Variants in PTPN9 observed in about 807,000 individuals in gnomAD.
The protein encoded by PTPN9 is protein tyrosine phosphatase non-receptor type 9.
A neutral mutation model predicts 69.8 loss-of-function variants in PTPN9; 26 were observed. That is an observed-to-expected ratio of 0.37 (90% CI 0.27 to 0.52). The LOEUF is 0.52. PTPN9 is among the 20% of genes least tolerant of loss of function. The probability of loss-of-function intolerance (pLI) is 0.91; values close to 1 mark genes in which losing one functional copy is unlikely to be tolerated. For synonymous variants in PTPN9, 274 were observed against 272.5 expected (o/e 1.01, Z -0.05); for missense variants, 549 against 740.3 (o/e 0.74, Z 3.00).
chr15:75,489,517 A>AGGTC (rs1442038820), intron 8 of PTPN9, among the ~76,000 whole-genome samples: 1 of 152,136 alleles, frequency 6.6e-6, no homozygotes, highest in Non-Finnish European at 1.5e-5. Flanking sequence ...TGAGCCCAGG[A>AGGTC]GGTCAAGGTT....
At chr15:75,503,906 G>A (rs1595955113) in intron 7 of PTPN9, among the ~76,000 whole-genome samples, 15 of 117,194 alleles carry the variant, frequency 1.3e-4, no homozygotes, top group South Asian at 5.4e-4. Flanking sequence ...GAGGGAGGTG[G>A]GGTCAGCCCC....
intron 1 of PTPN9, among the ~76,000 whole-genome samples, chr15:75,549,662 C>A (rs1388706248): frequency 1.3e-5 from 2 of 152,008 alleles, no homozygotes; most frequent in African/African-American, 4.8e-5. Flanking sequence ...AGTAACAGCC[C>A]ATAATGAGGC....
At chr15:75,530,535 TATTATTATATTATAATATATTATA>T (rs2074952374) in intron 1 of PTPN9, among the ~76,000 whole-genome samples, 2 of 40,678 alleles carry the variant, frequency 4.9e-5, no homozygotes, top group African/African-American at 3.9e-4. Flanking sequence ...TATTATATAA[TATTATTATATTATAATATATTATA>T]TATTATTATA....
At chr15:75,559,776 A>AG (rs2075095922) in intron 1 of PTPN9, among the ~76,000 whole-genome samples, 1 of 149,514 alleles carries the variant, frequency 6.7e-6, no homozygotes, top group African/African-American at 2.5e-5. Context: ...AACAAAAAAA[A>AG]AAAAAAAAAG....
At chr15:75,541,688 G>A (rs1450480087) in intron 1 of PTPN9, among the ~76,000 whole-genome samples, 3 of 151,914 alleles carry the variant, frequency 2.0e-5, no homozygotes, top group South Asian at 2.1e-4. Flanking sequence ...TTACAGGCGT[G>A]AGCCACTGCA....
intron 1 of PTPN9, among the ~76,000 whole-genome samples, chr15:75,529,594 CTT>C (rs1166672752): frequency 6.6e-6 from 1 of 152,150 alleles, no homozygotes; most frequent in African/African-American, 2.4e-5. Flanking sequence ...GTAATTCTGT[CTT>C]TGCTAATTTT....
rs200204488 is a variant in PTPN9, at chr15:75,565,109, TATAATAATAATAATAATA to T, written c.63+13587_63+13604del. Reference sequence around the variant, plus strand: ...GAAAAAGACTCCGTCTCAAAAAATATATAATAATAATAATAATAATAATAATAATAATAATAATAATTT... The same window carrying T: ...GAAAAAGACTCCGTCTCAAAAAATATATAATAATAATAATAATAATAATTT... On this transcript the variant is annotated intron_variant, in intron 1 of 12. Transcript: ENST00000618819. 2.8e-3 allele frequency among the ~76,000 whole-genome samples: 398 copies of T among 141,796 alleles called. 3 individuals are homozygous for T. The highest frequency in any genetic ancestry group is 1.9e-3 in the Non-Finnish European group (127 of 65,688). 93.0% of individuals were successfully genotyped at this position (141,796 alleles called of 152,430 possible). A position where few individuals can be genotyped will look rare whatever the true frequency, so the allele number is the denominator to read the frequency against.
At chr15:75,556,464 G>A (rs1209746298) in intron 1 of PTPN9, among the ~76,000 whole-genome samples, 1 of 150,342 alleles carries the variant, frequency 6.7e-6, no homozygotes, top group Admixed American at 6.7e-5. Context: ...TGCAACCTCC[G>A]CCTCCCAGGT....
chr15:75,521,934 G>A (rs528414854), intron 4 of PTPN9, among the ~76,000 whole-genome samples: 5 of 152,242 alleles, frequency 3.3e-5, no homozygotes, highest in Admixed American at 6.5e-5. Context: ...TCAAACTCCC[G>A]GGCTCAGACA....
chr15:75,476,507 G>A (rs956944129), intron 9 of PTPN9, among the ~76,000 whole-genome samples: 3 of 152,110 alleles, frequency 2.0e-5, no homozygotes, highest in African/African-American at 7.2e-5. Context: ...TAGAGAGGGG[G>A]TTTCATCATG....
At position 75,558,997 on chromosome 15, in the gene PTPN9, G is replaced by A. The variant is rs554962826; in HGVS notation, c.63+19717C>T. 2.1e-3 allele frequency among the ~76,000 whole-genome samples: 324 copies of A among 152,142 alleles called. 2 individuals carry two copies. Among genetic ancestry groups the A allele is most frequent in the African/African-American group, 7.3e-3 (302 of 41,528 alleles). Reference sequence around the variant, plus strand: ...GTCTCTGCCTGGCCACCCATCGTCTGGGATGTGAGGATCCCCTCTGCCCGG... The same window carrying A: ...GTCTCTGCCTGGCCACCCATCGTCTAGGATGTGAGGATCCCCTCTGCCCGG... On this transcript the variant is annotated intron_variant, in intron 1 of 12. Coordinates refer to ENST00000618819, the MANE Select transcript of PTPN9 (RefSeq NM_002833.4).
chr15:75,552,402 CGTCTCAAA>C (rs1361578565), intron 1 of PTPN9, among the ~76,000 whole-genome samples: 2 of 151,850 alleles, frequency 1.3e-5, no homozygotes, highest in African/African-American at 4.8e-5. Flanking sequence ...AGGGAAACTC[CGTCTCAAA>C]AAAACAAAAC....
chr15:75,495,440 C>T (rs369502038), intron 7 of PTPN9, among the ~76,000 whole-genome samples: 28 of 152,236 alleles, frequency 1.8e-4, no homozygotes, highest in African/African-American at 6.3e-4. Flanking sequence ...GGGCCAAGCA[C>T]GGTGGCTCAC....
In PTPN9 at chr15:75,562,791, C is replaced by CAA. The variant is rs60164759; in HGVS notation, c.63+15921_63+15922dup. 2.8e-3 allele frequency among the ~76,000 whole-genome samples: 221 copies of CAA among 80,004 alleles called. 4 individuals are homozygous for CAA. Among genetic ancestry groups the CAA allele is most frequent in the Non-Finnish European group, 4.2e-3 (180 of 42,854 alleles). 52.5% of individuals were successfully genotyped at this position (80,004 alleles called of 152,430 possible). On this transcript the variant is annotated intron_variant, in intron 1 of 12. Coordinates refer to ENST00000618819, the MANE Select transcript of PTPN9 (RefSeq NM_002833.4). ...CTGGATGACAGAGCGAGACTCGTTT[C>CAA]AAAAAAAAAAAAAAAAAAAAAAAAA...
At chr15:75,566,022 A>G (rs1388256045) in intron 1 of PTPN9, among the ~76,000 whole-genome samples, 2 of 152,122 alleles carry the variant, frequency 1.3e-5, no homozygotes, top group Non-Finnish European at 2.9e-5. Context: ...CTGAAAAAGA[A>G]AAGTTTCCTG....
chr15:75,568,412 GT>G (rs1206809496), intron 1 of PTPN9, among the ~76,000 whole-genome samples: 1 of 151,186 alleles, frequency 6.6e-6, no homozygotes, highest in African/African-American at 2.4e-5. Context: ...GGAGGCTGAG[GT>G]AGGAGGATTC....
rs1236084004 is a variant in PTPN9 at position 75,579,127 on chromosome 15, GA to G, written c.-352del. 6.3e-6 allele frequency: 1 copy of G among 157,598 alleles called. No individual in the cohort carries two copies. The highest frequency in any genetic ancestry group is 2.4e-5 in the African/African-American group (1 of 41,680). 9.8% of individuals were successfully genotyped at this position (157,598 alleles called of 1,614,324 possible). On this transcript the variant is annotated 5_prime_UTR_variant, in exon 1 of 13. Transcript: ENST00000618819. ...ATCAGGAACTTTTAGAGCCGGGAGC[GA>G]AGGGTCGGCGGAAATTTCCCGAAGG...
At chr15:75,498,986 T>G (rs1429628991) in intron 7 of PTPN9, among the ~76,000 whole-genome samples, 1 of 152,158 alleles carries the variant, frequency 6.6e-6, no homozygotes, top group East Asian at 1.9e-4. Flanking sequence ...TACACTATAG[T>G]TTTGGAAGAT....
intron 11 of PTPN9, 44 bp downstream of exon 11, chr15:75,470,636 T>G (rs752037722): frequency 3.1e-6 from 5 of 1,588,908 alleles, no homozygotes; most frequent in Middle Eastern, 3.3e-4. Context: ...GTAATTATTC[T>G]CCCCCTGTTT....
Sources: gnomAD v4.1 joint callset for allele counts (sites outside exome capture counted in the v4.1 genomes callset) on GRCh38, gnomAD v4.1.1 for gene constraint, MANE v1.5 for transcripts, NCBI Gene and HGNC (gene_info 2026-07-23, HGNC 2026-07-21) for gene names.